The following UBE2V2 variants were observed in gnomAD, a reference collection of about 807,000 sequenced individuals.
UBE2V2 encodes ubiquitin-conjugating enzyme E2 variant 2.
Under a neutral mutation model 17.2 loss-of-function variants are expected in UBE2V2, and 9 were observed. The ratio of observed to expected loss-of-function variants is 0.52; its 90% CI spans 0.32 to 0.91. The LOEUF (loss-of-function observed/expected upper bound fraction) is 0.91. Among genes scored for constraint, UBE2V2 ranks in the 40% least tolerant of loss-of-function variants. The pLI, the probability that UBE2V2 is intolerant of heterozygous loss-of-function variation, is 0.04. For missense variants in UBE2V2, 133 were observed against 182.6 expected, an observed-to-expected ratio of 0.73 and a Z score of 1.56; for synonymous variants, 61 against 57.5, an observed-to-expected ratio of 1.06 and a Z score of -0.28.
chr8:47,999,148 G>C, the UBE2V2 span, among the ~76,000 whole-genome samples: 1 of 152,148 alleles, frequency 6.6e-6, no homozygotes, highest in South Asian at 2.1e-4. Context: ...GAAATGTAAA[G>C]AGACTTGGGG....
At chr8:48,002,240 T>C in the UBE2V2 span, among the ~76,000 whole-genome samples, 1 of 152,222 alleles carries the variant, frequency 6.6e-6, no homozygotes, top group Admixed American at 6.5e-5. Flanking sequence ...TTCAAACCAC[T>C]GCAAATATTA....
intron 1 of UBE2V2, among the ~76,000 whole-genome samples, chr8:48,011,486 G>C (rs1260774440): frequency 6.6e-6 from 1 of 152,110 alleles, no homozygotes; most frequent in South Asian, 2.1e-4. Flanking sequence ...TCTAATACAC[G>C]TGTTTTTTAT....
rs1298956942 is a variant in UBE2V2, at chr8:48,061,186, G to A, written c.*358G>A. ...AATCTCAAGAAAACAGAAATGGCATGCTTTACCCATCTTACTTAGTGAAAG... is the reference window on the plus strand; with the variant it reads ...AATCTCAAGAAAACAGAAATGGCATACTTTACCCATCTTACTTAGTGAAAG... On this transcript the variant is annotated 3_prime_UTR_variant, in exon 4 of 4. Transcript: ENST00000523111. The A allele has an allele frequency of 6.4e-6, 1 of 157,248 alleles. No homozygotes were observed. The highest frequency in any genetic ancestry group is 6.5e-5 in the Admixed American group (1 of 15,416). The allele number at this position is 157,248 out of a possible 1,614,324, so 9.7% of individuals were successfully genotyped here. A position where few individuals can be genotyped will look rare whatever the true frequency, so the allele number is the denominator to read the frequency against.
At chr8:48,014,921 G>A (rs2091258354) in intron 1 of UBE2V2, among the ~76,000 whole-genome samples, 5 of 151,408 alleles carry the variant, frequency 3.3e-5, no homozygotes. Flanking sequence ...GTGGTGACAG[G>A]CACCTGTAGT....
intron 1 of UBE2V2, among the ~76,000 whole-genome samples, chr8:48,017,867 G>GAA (rs2091281009): frequency 3.4e-5 from 4 of 118,668 alleles, no homozygotes; most frequent in Non-Finnish European, 6.8e-5. Context: ...TTTTTTTCCT[G>GAA]AGACAGTCTC....
At chr8:48,014,799 C>G (rs1449384911) in intron 1 of UBE2V2, among the ~76,000 whole-genome samples, 1 of 151,900 alleles carries the variant, frequency 6.6e-6, no homozygotes, top group African/African-American at 2.4e-5. Context: ...GCCCGTAATC[C>G]TAGCACTTTG....
rs2154508442 is a variant in UBE2V2 at position 48,063,949 on chromosome 8, C to T, written c.*3121C>T. ...TATTGTTTGGAAAATGTAGAGGACA[C>T]AGCTGGGAATTATGAATGCTTTTTT... On this transcript the variant is annotated 3_prime_UTR_variant, in exon 4 of 4. Coordinates refer to ENST00000523111, the MANE Select transcript of UBE2V2 (RefSeq NM_003350.3). 1 of 152,232 alleles carries T rather than the reference C, an allele frequency of 6.6e-6. No individual in the cohort carries two copies. Among genetic ancestry groups the T allele is most frequent in the African/African-American group, 2.4e-5 (1 of 41,562 alleles). 9.4% of individuals were successfully genotyped at this position (152,232 alleles called of 1,614,324 possible).
At chr8:48,032,074 G>A (rs2091387376) in intron 1 of UBE2V2, among the ~76,000 whole-genome samples, 1 of 151,974 alleles carries the variant, frequency 6.6e-6, no homozygotes, top group Non-Finnish European at 1.5e-5. Flanking sequence ...TCATGTAGTT[G>A]GTTATGCCAT....
intron 1 of UBE2V2, among the ~76,000 whole-genome samples, chr8:48,038,471 A>G (rs1415667309): frequency 6.6e-6 from 1 of 150,570 alleles, no homozygotes; most frequent in Non-Finnish European, 1.5e-5. Context: ...GCGCACCACC[A>G]TGCCCAGCTA....
chr8:47,999,104 G>A, the UBE2V2 span, among the ~76,000 whole-genome samples: 2 of 152,136 alleles, frequency 1.3e-5, no homozygotes, highest in African/African-American at 2.4e-5. Flanking sequence ...AGTGAAAGTC[G>A]GCTGGCTTCA....
chr8:48,057,705 T>C lies in UBE2V2; in HGVS notation c.292-2977T>C, dbSNP rs1207781211. ...TGGTAGGAAGGAGGGAGGGGAGATATTTTACAGTTTTCAGTGCACAAGTTT... is the reference window on the plus strand; with the variant it reads ...TGGTAGGAAGGAGGGAGGGGAGATACTTTACAGTTTTCAGTGCACAAGTTT... On this transcript the variant is annotated intron_variant, in intron 3 of 3. Transcript: ENST00000523111. Among the ~76,000 whole-genome samples the C allele has an allele frequency of 2.6e-5, 4 of 152,120 alleles. No individual in the cohort carries two copies. The East Asian group carries it at 7.7e-4, about 29-fold the overall frequency.
chr8:48,035,938 C>G (rs1433465404), intron 1 of UBE2V2, among the ~76,000 whole-genome samples: 1 of 149,448 alleles, frequency 6.7e-6, no homozygotes, highest in Non-Finnish European at 1.5e-5. Context: ...ACTTTTCTCC[C>G]CTTGCCTTTC....
chr8:48,003,148 T>G, the UBE2V2 span, among the ~76,000 whole-genome samples: 1 of 149,638 alleles, frequency 6.7e-6, no homozygotes, highest in African/African-American at 2.5e-5. Context: ...AGGTGGAGGT[T>G]GCAGTGAGCC....
chr8:48,005,158 A>C (rs1352590935), upstream of UBE2V2, among the ~76,000 whole-genome samples: 1 of 151,236 alleles, frequency 6.6e-6, no homozygotes, highest in African/African-American at 2.4e-5. Flanking sequence ...TCCTAATGCT[A>C]TCCCTCCCCT....
At chr8:48,027,231 C>T (rs1299377495) in intron 1 of UBE2V2, among the ~76,000 whole-genome samples, 1 of 152,144 alleles carries the variant, frequency 6.6e-6, no homozygotes. Context: ...GATCTCTTGA[C>T]CTCAAGTGAT....
rs537093288 is a variant in UBE2V2 at position 48,045,159 on chromosome 8, C to G, written c.165+1978C>G. ...TTCCCTGTGGGTGGTGGTTTTGGAG[C>G]TGCAGGAGAGAAAAGGTCATAATAG... On this transcript the variant is annotated intron_variant, in intron 2 of 3. Transcript: ENST00000523111. Among the ~76,000 whole-genome samples, 700 of 152,304 alleles carry G rather than the reference C, an allele frequency of 4.6e-3. 3 individuals are homozygous for G. The highest frequency in any genetic ancestry group is 8.2e-3 in the Non-Finnish European group (558 of 68,026).
intron 1 of UBE2V2, among the ~76,000 whole-genome samples, chr8:48,026,783 A>G (rs2154507188): frequency 6.6e-6 from 1 of 152,328 alleles, no homozygotes; most frequent in Middle Eastern, 3.4e-3. Context: ...ATTCCAGTGC[A>G]TTGGATACAC....
intron 2 of UBE2V2, among the ~76,000 whole-genome samples, chr8:48,047,678 C>T (rs1423342407): frequency 6.6e-6 from 1 of 152,040 alleles, no homozygotes; most frequent in Non-Finnish European, 1.5e-5. Context: ...CTGCCTCAGC[C>T]TCCCGACTAG....
chr8:48,007,181 T>G (rs559993384), upstream of UBE2V2, among the ~76,000 whole-genome samples: 137 of 151,892 alleles, frequency 9.0e-4, 2 homozygotes, highest in Non-Finnish European at 1.5e-3. Context: ...CCAAAAGCAT[T>G]CCCTTTGAAA....
Sources: allele counts gnomAD v4.1 joint callset (sites outside exome capture counted in the v4.1 genomes callset), GRCh38; gene constraint gnomAD v4.1.1; transcripts MANE v1.5; gene names NCBI Gene and HGNC (gene_info 2026-07-23, HGNC 2026-07-21).